The following TSG101 variants were observed in gnomAD, a reference collection of about 807,000 sequenced individuals.
TSG101 encodes the protein tumor susceptibility 101.
In TSG101, 19 loss-of-function variants were observed where a neutral mutation model predicts 48.5. The ratio of observed to expected loss-of-function variants is 0.39; its 90% CI spans 0.27 to 0.58. TSG101 has a LOEUF of 0.58. TSG101 is among the 20% of genes least tolerant of loss of function. The pLI, the probability that TSG101 is intolerant of heterozygous loss-of-function variation, is 0.55. For missense variants in TSG101, 365 were observed against 484.4 expected, an observed-to-expected ratio of 0.75 and a Z score of 2.31; for synonymous variants, 174 against 169.4, an observed-to-expected ratio of 1.03 and a Z score of -0.21.
intron 1 of TSG101, among the ~76,000 whole-genome samples, chr11:18,523,984 T>A (rs1227724731): frequency 1.3e-5 from 2 of 151,976 alleles, no homozygotes; most frequent in African/African-American, 4.8e-5. Context: ...AGAGACAGAG[T>A]CTAGCTATGT....
At chr11:18,493,920 T>C (rs1020688934) in intron 7 of TSG101, among the ~76,000 whole-genome samples, 4 of 152,196 alleles carry the variant, frequency 2.6e-5, no homozygotes, top group Non-Finnish European at 4.4e-5. Flanking sequence ...ATGGAGCTTT[T>C]CTTCCAAAGA....
At chr11:18,482,351 T>C (rs1206509395) in intron 8 of TSG101, among the ~76,000 whole-genome samples, 1 of 152,238 alleles carries the variant, frequency 6.6e-6, no homozygotes, top group African/African-American at 2.4e-5. Context: ...CTCTGAGTTG[T>C]ATTGGTGTCA....
At chr11:18,496,404 T>C (rs1181009800) in intron 7 of TSG101, among the ~76,000 whole-genome samples, 1 of 144,592 alleles carries the variant, frequency 6.9e-6, no homozygotes, top group African/African-American at 2.5e-5. Context: ...ATCATGCCAC[T>C]GCACTCCAGC....
intron 7 of TSG101, among the ~76,000 whole-genome samples, chr11:18,484,479 CA>C (rs1849590750): frequency 6.6e-6 from 1 of 152,340 alleles, no homozygotes; most frequent in African/African-American, 2.4e-5. Context: ...CTGAAGGAGA[CA>C]AGTGCCCACT....
Position 18,502,602 on chromosome 11 carries a change from T to C in TSG101, c.549-25A>G. 1.9e-6 allele frequency: 3 copies of C among 1,574,418 alleles called. 1 individual carries two copies. The South Asian group carries it at 3.4e-5, about 18-fold the overall frequency. On this transcript the variant is annotated intron_variant, in intron 6 of 9. Transcript: ENST00000251968. ...ACTAAAGACAAGAACAAAAAACATT[T>C]AACATTTAAGATGACCCAACCTTAT...
Position 18,526,858 on chromosome 11 carries a change from AGCCGCT to A in TSG101, c.-48_-43del. ...CTCCCTTCCCCGCAGGCAGAGGGTC[AGCCGCT>A]GCTGGGCTGCCCCAGACCGTCCCAC... On this transcript the variant is annotated 5_prime_UTR_variant, in exon 1 of 10. Coordinates refer to ENST00000251968, the MANE Select transcript of TSG101 (RefSeq NM_006292.4). The A allele has an allele frequency of 6.3e-7, 1 of 1,589,132 alleles. No homozygotes were observed. Among genetic ancestry groups the A allele is most frequent in the East Asian group, 2.3e-5 (1 of 43,840 alleles).
intron 5 of TSG101, 24 bp from the exon 6 acceptor site, chr11:18,506,947 G>A: frequency 6.3e-7 from 1 of 1,595,318 alleles, no homozygotes; most frequent in East Asian, 2.2e-5. Context: ...TTTTCACATT[G>A]TAAAAATAAT....
At chr11:18,502,407 C>T in intron 7 of TSG101, 79 bp downstream of exon 7, 1 of 1,176,670 alleles carries the variant, frequency 8.5e-7, no homozygotes, top group Non-Finnish European at 1.2e-6. Flanking sequence ...GTCCAAAATT[C>T]ACAAGTGAAA....
chr11:18,526,907 A>G lies in TSG101; in HGVS notation c.-91T>C, dbSNP rs1050417939. On this transcript the variant is annotated 5_prime_UTR_variant, in exon 1 of 10. Coordinates refer to ENST00000251968, the MANE Select transcript of TSG101 (RefSeq NM_006292.4). ...CGTCCCACACAATCGCACACCCCCA[A>G]CCCGGCCTCAAACAACAGGAAGTCG... 1.4e-6 allele frequency: 2 copies of G among 1,414,840 alleles called. No individual in the cohort carries two copies. Among genetic ancestry groups the G allele is most frequent in the Admixed American group, 2.1e-5 (1 of 47,504 alleles). The allele number at this position is 1,414,840 out of a possible 1,614,324, so 87.6% of individuals were successfully genotyped here.
At chr11:18,526,212 G>A (rs1373953099) in intron 1 of TSG101, among the ~76,000 whole-genome samples, 2 of 151,678 alleles carry the variant, frequency 1.3e-5, no homozygotes, top group Non-Finnish European at 2.9e-5. Context: ...GTTATAAGAA[G>A]CATACACTTA....
chr11:18,491,390 T>C (rs1849699489), intron 7 of TSG101, among the ~76,000 whole-genome samples: 1 of 152,202 alleles, frequency 6.6e-6, no homozygotes, highest in Admixed American at 6.5e-5. Context: ...ATGGTGTCTA[T>C]ATGACCAAGT....
chr11:18,483,848 AAG>A lies in TSG101; in HGVS notation c.843+20_843+21del. 6.2e-7 allele frequency: 1 copy of A among 1,612,618 alleles called. No homozygotes were observed. The highest frequency in any genetic ancestry group is 2.2e-5 in the East Asian group (1 of 44,880). On this transcript the variant is annotated intron_variant, in intron 8 of 9. Coordinates refer to ENST00000251968, the MANE Select transcript of TSG101 (RefSeq NM_006292.4). ...GGCTACAATTCAATCCAAAAATTTT[AAG>A]TCTTTAATGAGTCACTTACTACTTC...
At chr11:18,490,870 A>G in intron 7 of TSG101, 1 of 522,874 alleles carries the variant, frequency 1.9e-6, no homozygotes, top group Non-Finnish European at 3.8e-6. Context: ...TCGTTCTGTG[A>G]CTGCCTTCGT....
intron 7 of TSG101, among the ~76,000 whole-genome samples, chr11:18,501,802 T>A (rs1386923454): frequency 6.6e-6 from 1 of 152,202 alleles, no homozygotes; most frequent in East Asian, 1.9e-4. Flanking sequence ...AGGGCATGGT[T>A]CTCTGTGCTG....
chr11:18,486,172 CCT>C (rs1325050833), intron 7 of TSG101, among the ~76,000 whole-genome samples: 3 of 152,346 alleles, frequency 2.0e-5, no homozygotes, highest in African/African-American at 4.8e-5. Context: ...AATAAAACTC[CCT>C]GTCTTGCTCA....
At chr11:18,483,270 G>A (rs1393862526) in intron 8 of TSG101, among the ~76,000 whole-genome samples, 1 of 152,068 alleles carries the variant, frequency 6.6e-6, no homozygotes, top group Admixed American at 6.6e-5. Flanking sequence ...CAAGGTGGGT[G>A]GATCACCTGA....
At chr11:18,511,958 T>C (rs1850090952) in intron 4 of TSG101, among the ~76,000 whole-genome samples, 1 of 150,166 alleles carries the variant, frequency 6.7e-6, no homozygotes, top group African/African-American at 2.4e-5. Flanking sequence ...AATGTGGTAG[T>C]ATGAATCAAT....
intron 8 of TSG101, 138 bp from the exon 9 acceptor site, chr11:18,482,007 AC>A: frequency 8.3e-7 from 1 of 1,201,346 alleles, no homozygotes; most frequent in Non-Finnish European, 1.2e-6. Context: ...TTCAAATAAC[AC>A]CCTGGTCAAA....
chr11:18,490,942 C>G (rs1849690863), intron 7 of TSG101: 1 of 333,250 alleles, frequency 3.0e-6, no homozygotes, highest in African/African-American at 2.2e-5. Context: ...TGTACCAGCT[C>G]ACTTTTATCC....
Sources: gnomAD v4.1 joint callset for allele counts (sites outside exome capture counted in the v4.1 genomes callset) on GRCh38, gnomAD v4.1.1 for gene constraint, MANE v1.5 for transcripts, NCBI Gene and HGNC (gene_info 2026-07-23, HGNC 2026-07-21) for gene names.